ATP11A: variants seen among roughly 807,000 people sequenced by gnomAD.
The protein encoded by ATP11A is ATPase phospholipid transporting 11A.
Under a neutral mutation model 154.4 loss-of-function variants are expected in ATP11A, and 81 were observed. That is an observed-to-expected ratio of 0.52 (90% CI 0.44 to 0.63). The LOEUF is 0.63. Ranked by LOEUF, ATP11A falls within the 30% of genes least tolerant of loss-of-function variation. The pLI is 0.00. For synonymous variants in ATP11A, 623 were observed against 585.9 expected (o/e 1.06, Z -0.91); for missense variants, 1,316 against 1,474.3 (o/e 0.89, Z 1.76).
At chr13:112,810,523 G>A in intron 4 of ATP11A, 96 bp from the exon 5 acceptor site, 1 of 1,014,230 alleles carries the variant, frequency 9.9e-7, no homozygotes, top group Non-Finnish European at 1.5e-6. Flanking sequence ...ATTATGCTTA[G>A]ACATAATTAA....
chr13:112,759,417 C>T (rs917566858), intron 1 of ATP11A, among the ~76,000 whole-genome samples: 15 of 152,218 alleles, frequency 9.9e-5, no homozygotes, highest in African/African-American at 3.6e-4. Flanking sequence ...TCCCAAGACC[C>T]TGCTCTGAAG....
intron 19 of ATP11A, 146 bp from the exon 20 acceptor site, chr13:112,855,765 A>G (rs998614590): frequency 2.9e-6 from 2 of 701,570 alleles, no homozygotes; most frequent in Admixed American, 3.1e-5. Flanking sequence ...GTTCAATACT[A>G]TAAAAATTGT....
chr13:112,854,323 C>T lies in ATP11A; in HGVS notation c.2036C>T (p.Ala679Val), dbSNP rs756018999. Residue 679 changes from alanine (A) to valine (V), a missense_variant, in exon 19 of 30, where the codon GCC (alanine) becomes GTC (valine). Transcript: ENST00000375645. ...AADTIEALQK[A>V]GIKVWVLTGD... ...GACACCATCGAGGCCCTGCAGAAGGCCGGGATCAAAGTCTGGGTTCTCACG... is the reference window on the plus strand; with the variant it reads ...GACACCATCGAGGCCCTGCAGAAGGTCGGGATCAAAGTCTGGGTTCTCACG... The T allele has an allele frequency of 6.2e-6, 10 of 1,614,128 alleles. No individual in the cohort carries two copies. The highest frequency in any genetic ancestry group is 8.5e-6 in the Non-Finnish European group (10 of 1,180,034).
Position 112,871,805 on chromosome 13 carries a change from G to A in ATP11A, c.3057+5G>A, listed in dbSNP as rs2080529498. Reference sequence around the variant, plus strand: ...GTGTTCACAGTTACACTAAAGGTAAGTGGTCTCGCGCTCACGTTCCTCCCC... The same window carrying A: ...GTGTTCACAGTTACACTAAAGGTAAATGGTCTCGCGCTCACGTTCCTCCCC... On this transcript the variant is annotated splice_donor_5th_base_variant and intron_variant, in intron 26 of 29. Coordinates refer to ENST00000375645, the MANE Select transcript of ATP11A (RefSeq NM_015205.3). The A allele has an allele frequency of 6.2e-7, 1 of 1,613,846 alleles. No homozygotes were observed. Among genetic ancestry groups the A allele is most frequent in the Non-Finnish European group, 8.5e-7 (1 of 1,179,700 alleles).
intron 25 of ATP11A, among the ~76,000 whole-genome samples, chr13:112,862,940 G>A (rs1164091972): frequency 1.1e-5 from 1 of 89,326 alleles, no homozygotes; most frequent in African/African-American, 4.6e-5. Flanking sequence ...TTCAGTGCAG[G>A]CCACGCAGCT....
chr13:112,698,207 G>A (rs868749648), intron 1 of ATP11A, among the ~76,000 whole-genome samples: 93 of 152,152 alleles, frequency 6.1e-4, no homozygotes, highest in African/African-American at 2.0e-3. Context: ...CTGGTTTCCC[G>A]AGGACCGCTT....
intron 5 of ATP11A, chr13:112,811,519 C>T (rs538394997): frequency 6.6e-6 from 1 of 152,264 alleles, no homozygotes; most frequent in South Asian, 2.1e-4. Flanking sequence ...ATAATAAAAT[C>T]ATATCAATAT....
At chr13:112,787,297 AC>A (rs2077665621) in intron 2 of ATP11A, among the ~76,000 whole-genome samples, 1 of 119,148 alleles carries the variant, frequency 8.4e-6, no homozygotes, top group African/African-American at 4.4e-5. Flanking sequence ...CTTAATTCAC[AC>A]CGGGTGTCCT....
At chr13:112,780,918 G>C (rs1205900210) in intron 1 of ATP11A, among the ~76,000 whole-genome samples, 1 of 152,296 alleles carries the variant, frequency 6.6e-6, no homozygotes, top group South Asian at 2.1e-4. Context: ...TCCTGTCTGG[G>C]AACGCGGAGA....
chr13:112,728,101 C>T (rs1472870645), intron 1 of ATP11A, among the ~76,000 whole-genome samples: 2 of 152,190 alleles, frequency 1.3e-5, no homozygotes, highest in African/African-American at 4.8e-5. Flanking sequence ...CACCTGCTCA[C>T]ATCTGCCATT....
At chr13:112,762,566 G>A (rs1021211951) in intron 1 of ATP11A, among the ~76,000 whole-genome samples, 2 of 152,140 alleles carry the variant, frequency 1.3e-5, no homozygotes, top group East Asian at 1.9e-4. Context: ...TTCCTCACCC[G>A]AAGATAAGAG....
intron 7 of ATP11A, 29 bp from the exon 8 acceptor site, chr13:112,819,871 G>A (rs370485587): frequency 7.4e-6 from 12 of 1,613,728 alleles, no homozygotes; most frequent in African/African-American, 2.7e-5. Flanking sequence ...GGGCGCGTCC[G>A]GTCAGTAACG....
Position 112,881,840 on chromosome 13 carries a change from C to G in ATP11A, c.*10-36C>G, listed in dbSNP as rs199643298. On this transcript the variant is annotated intron_variant, in intron 29 of 29. Transcript: ENST00000375645. Reference sequence around the variant, plus strand: ...GAATGGGTGCGCACAGCCTCGGGACCGCGACTCAGAATTCACCCCTCTTGC... The same window carrying G: ...GAATGGGTGCGCACAGCCTCGGGACGGCGACTCAGAATTCACCCCTCTTGC... 12 of 1,367,474 alleles carry G rather than the reference C, an allele frequency of 8.8e-6. No homozygotes were observed. Among genetic ancestry groups the G allele is most frequent in the Non-Finnish European group, 1.2e-5 (12 of 1,021,964 alleles). The allele number at this position is 1,367,474 out of a possible 1,614,324, so 84.7% of individuals were successfully genotyped here. A position where few individuals can be genotyped will look rare whatever the true frequency, so the allele number is the denominator to read the frequency against.
intron 1 of ATP11A, among the ~76,000 whole-genome samples, chr13:112,776,658 C>T (rs1052003866): frequency 3.9e-5 from 6 of 152,174 alleles, no homozygotes; most frequent in African/African-American, 1.4e-4. Flanking sequence ...TGCAGTGGCA[C>T]TGTCCTGGCT....
chr13:112,820,553 C>T (rs1308722979), intron 8 of ATP11A, among the ~76,000 whole-genome samples: 1 of 152,238 alleles, frequency 6.6e-6, no homozygotes, highest in Non-Finnish European at 1.5e-5. Context: ...GACCCTCAGA[C>T]ACCTCATCTA....
chr13:112,854,675 G>T (rs1377943859), intron 19 of ATP11A, 145 bp downstream of exon 19: 27 of 989,188 alleles, frequency 2.7e-5, no homozygotes, highest in Non-Finnish European at 1.9e-5. Flanking sequence ...GCTTCTTAGG[G>T]GTCAGGTGAA....
intron 1 of ATP11A, among the ~76,000 whole-genome samples, chr13:112,701,141 G>A (rs904320626): frequency 6.6e-5 from 10 of 152,172 alleles, no homozygotes; most frequent in Non-Finnish European, 1.2e-4. Flanking sequence ...ATTCGAGTCC[G>A]CCTGTGGCCG....
intron 21 of ATP11A, 104 bp from the exon 22 acceptor site, chr13:112,858,041 C>A: frequency 1.3e-6 from 2 of 1,565,444 alleles, no homozygotes; most frequent in Non-Finnish European, 1.8e-6. Context: ...CGTGTGTGAC[C>A]GGGAAGGCTC....
intron 1 of ATP11A, among the ~76,000 whole-genome samples, chr13:112,740,467 T>G (rs1430229506): frequency 6.6e-6 from 1 of 152,160 alleles, no homozygotes; most frequent in East Asian, 1.9e-4. Context: ...AGCTACTGTC[T>G]CGGCCCAAAT....
Sources: gnomAD v4.1 joint callset for allele counts (sites outside exome capture counted in the v4.1 genomes callset) on GRCh38, gnomAD v4.1.1 for gene constraint, MANE v1.5 for transcripts, NCBI Gene and HGNC (gene_info 2026-07-23, HGNC 2026-07-21) for gene names.